The following DPYSL2 variants were observed in gnomAD, a reference collection of about 807,000 sequenced individuals.
DPYSL2 encodes dihydropyrimidinase-related protein 2.
In DPYSL2, 13 loss-of-function variants were observed where a neutral mutation model predicts 69.9. That is an observed-to-expected ratio of 0.19 (90% CI 0.12 to 0.30). DPYSL2 has a LOEUF of 0.30. Ranked by LOEUF, DPYSL2 falls within the 10% of genes least tolerant of loss-of-function variation. The pLI, the probability that DPYSL2 is intolerant of heterozygous loss-of-function variation, is 1.00. For missense variants in DPYSL2, 587 were observed against 918.9 expected (o/e 0.64, Z 4.67); for synonymous variants, 326 against 359.1 (o/e 0.91, Z 1.04).
rs188935881 is a variant in DPYSL2 at position 26,645,871 on chromosome 8, T to A, written c.1426-1759T>A. Among the ~76,000 whole-genome samples the A allele has an allele frequency of 1.1e-4, 17 of 150,250 alleles. No individual in the cohort carries two copies. The East Asian group carries it at 3.4e-3, about 30-fold the overall frequency. ...GGCCAGGACTCACTTATAATTCTTT[T>A]TTTTTGGCTGGGGGAGACAGTTTCA... On this transcript the variant is annotated intron_variant, in intron 10 of 13. Transcript: ENST00000521913.
rs1224428773 is a variant in DPYSL2, at chr8:26,564,209, G to T, written c.355-17760G>T. On this transcript the variant is annotated intron_variant, in intron 1 of 13. Coordinates refer to ENST00000521913, the MANE Select transcript of DPYSL2 (RefSeq NM_001197293.3). The surrounding 1 kb of genome is among the most constrained non-coding windows in gnomAD (Gnocchi z 4.8). ...TGCTGTTTGCCCAAGCTTTTCTAAT[G>T]GAGTCAGGCGAAGAGGCCAACTGTA... Among the ~76,000 whole-genome samples the T allele has an allele frequency of 5.3e-5, 8 of 152,182 alleles. No individual in the cohort carries two copies.
intron 1 of DPYSL2, among the ~76,000 whole-genome samples, chr8:26,519,927 T>C (rs1808358030): frequency 6.6e-6 from 1 of 152,190 alleles, no homozygotes; most frequent in South Asian, 2.1e-4. Context: ...AAATGAAATA[T>C]ATAAAGGTAA....
intron 1 of DPYSL2, among the ~76,000 whole-genome samples, chr8:26,552,417 C>T (rs1800885926): frequency 6.6e-6 from 1 of 152,036 alleles, no homozygotes; most frequent in Admixed American, 6.6e-5. Flanking sequence ...GCATTGAAAA[C>T]AGGAAATCAA....
Position 26,654,703 on chromosome 8 carries a change from G to A in DPYSL2, c.1943-912G>A, listed in dbSNP as rs1803344603. 6.6e-6 allele frequency among the ~76,000 whole-genome samples: 1 copy of A among 152,050 alleles called. No individual in the cohort carries two copies. The highest frequency in any genetic ancestry group is 2.4e-5 in the African/African-American group (1 of 41,398). On this transcript the variant is annotated intron_variant, in intron 13 of 13. Coordinates refer to ENST00000521913, the MANE Select transcript of DPYSL2 (RefSeq NM_001197293.3). The surrounding 1 kb of genome is among the most constrained non-coding windows in gnomAD (Gnocchi z 5.0). ...CAGCCAATTTGACTAATCAGAACAG[G>A]GGACAGGACAGAGTCTAAGATGTAG... is the stretch of plus-strand genomic sequence containing the variant.
At chr8:26,572,379 A>T (rs2129693681) in intron 1 of DPYSL2, among the ~76,000 whole-genome samples, 1 of 152,330 alleles carries the variant, frequency 6.6e-6, no homozygotes, top group South Asian at 2.1e-4. Context: ...TGCAGTTTGG[A>T]TGATGCAAAC....
In DPYSL2 at chr8:26,565,510, T is replaced by A. The variant is rs1230387681; in HGVS notation, c.355-16459T>A. On this transcript the variant is annotated intron_variant, in intron 1 of 13. Coordinates refer to ENST00000521913, the MANE Select transcript of DPYSL2 (RefSeq NM_001197293.3). This position sits in a 1 kb window ranked among gnomAD's most constrained non-coding sequence, Gnocchi z 4.1. ...TGTGGTTAGGGGATGAGGGCTCAGA[T>A]AGCCCTTGGAGTGAATGGCTAAAGA... Among the ~76,000 whole-genome samples the A allele has an allele frequency of 6.6e-6, 1 of 152,182 alleles. No homozygotes were observed. Among genetic ancestry groups the A allele is most frequent in the Admixed American group, 6.5e-5 (1 of 15,272 alleles).
intron 1 of DPYSL2, among the ~76,000 whole-genome samples, chr8:26,541,613 G>A (rs570791626): frequency 6.6e-6 from 1 of 152,302 alleles, no homozygotes; most frequent in East Asian, 1.9e-4. Context: ...AAAGTTAATA[G>A]AGAAAATGTC....
intron 1 of DPYSL2, among the ~76,000 whole-genome samples, chr8:26,573,668 A>AAAC (rs770616134): frequency 1.5e-5 from 1 of 68,544 alleles, no homozygotes; most frequent in Non-Finnish European, 2.8e-5. Context: ...GACTGTCTCA[A>AAAC]AAAAAAAAAA....
rs151197715 is a variant in DPYSL2 at position 26,610,963 on chromosome 8, C to G, written c.629-13180C>G. Among the ~76,000 whole-genome samples, 7 of 152,116 alleles carry G rather than the reference C, an allele frequency of 4.6e-5. No homozygotes were observed. The highest frequency in any genetic ancestry group is 7.4e-5 in the Non-Finnish European group (5 of 68,012). Reference sequence around the variant, plus strand: ...GGAGTCCTAAGGTTCTGTAGCTAGCCATGGTAGAGCTGGGGTGTAAACTCA... The same window carrying G: ...GGAGTCCTAAGGTTCTGTAGCTAGCGATGGTAGAGCTGGGGTGTAAACTCA... On this transcript the variant is annotated intron_variant, in intron 3 of 13. Transcript: ENST00000521913. This position sits in a 1 kb window ranked among gnomAD's most constrained non-coding sequence, Gnocchi z 4.5.
intron 1 of DPYSL2, among the ~76,000 whole-genome samples, chr8:26,573,253 G>C (rs187356692): frequency 3.6e-4 from 55 of 152,296 alleles, no homozygotes; most frequent in Admixed American, 2.1e-3. Flanking sequence ...GACTGGGTGT[G>C]GTGGCTCACG....
Position 26,655,878 on chromosome 8 carries a change from C to G in DPYSL2, c.*172C>G. 5.8e-6 allele frequency: 3 copies of G among 521,302 alleles called. No homozygotes were observed. Among genetic ancestry groups the G allele is most frequent in the Non-Finnish European group, 6.6e-6 (2 of 304,624 alleles). The allele number at this position is 521,302 out of a possible 1,614,324, so 32.3% of individuals were successfully genotyped here. ...CCCCTTGGGGCCCCACACCCCGTCT[C>G]TCACCAAGAGTTACTGATTTTGCTC... is the stretch of plus-strand genomic sequence containing the variant. On this transcript the variant is annotated 3_prime_UTR_variant, in exon 14 of 14. Coordinates refer to ENST00000521913, the MANE Select transcript of DPYSL2 (RefSeq NM_001197293.3).
intron 1 of DPYSL2, among the ~76,000 whole-genome samples, chr8:26,576,893 G>A (rs1311457266): frequency 6.6e-6 from 1 of 152,206 alleles, no homozygotes; most frequent in South Asian, 2.1e-4. Context: ...CCCCGACAGC[G>A]CTGCAGGCAC....
intron 1 of DPYSL2, among the ~76,000 whole-genome samples, chr8:26,515,187 G>T (rs973844380): frequency 5.9e-5 from 9 of 152,266 alleles, no homozygotes; most frequent in Middle Eastern, 3.4e-3. Flanking sequence ...CTCACGTCCC[G>T]AGCTCCGAGG....
intron 1 of DPYSL2, chr8:26,578,025 T>C (rs375189149): frequency 2.8e-5 from 39 of 1,391,956 alleles, no homozygotes. Flanking sequence ...CTCTTTTTTT[T>C]CCGCCCTAGC....
Position 26,653,207 on chromosome 8 carries a change from C to T in DPYSL2, c.1777-25C>T, listed in dbSNP as rs368613366. On this transcript the variant is annotated intron_variant, in intron 12 of 13. Transcript: ENST00000521913. This position sits in a 1 kb window ranked among gnomAD's most constrained non-coding sequence, Gnocchi z 5.7. Reference sequence around the variant, plus strand: ...GTATCCTCTGTGGCTGTGGCCTGAGCTGGGGGGACTCTTGTGTTTTGCAGC... The same window carrying T: ...GTATCCTCTGTGGCTGTGGCCTGAGTTGGGGGGACTCTTGTGTTTTGCAGC... 10 of 1,609,788 alleles carry T rather than the reference C, an allele frequency of 6.2e-6. No homozygotes were observed. The African/African-American group carries it at 1.1e-4, about 17-fold the overall frequency.
chr8:26,643,400 C>A lies in DPYSL2; in HGVS notation c.1127-39C>A. The A allele has an allele frequency of 6.5e-7, 1 of 1,538,008 alleles. No individual in the cohort carries two copies. On this transcript the variant is annotated intron_variant, in intron 8 of 13. Transcript: ENST00000521913. This position sits in a 1 kb window ranked among gnomAD's most constrained non-coding sequence, Gnocchi z 6.5. The stretch of plus-strand genomic sequence containing the variant: ...CATAGGGGTGGTTCCCTTCCCCCTG[C>A]ATTGTGTTGGACTGAACCTTGTGTG...
chr8:26,634,941 G>A (rs539422560), intron 8 of DPYSL2, 41 bp downstream of exon 8: 1 of 1,611,108 alleles, frequency 6.2e-7, no homozygotes, highest in African/African-American at 1.3e-5. Flanking sequence ...AGGTGGGGAG[G>A]TTTGGAGGGG....
Position 26,617,316 on chromosome 8 carries a change from A to G in DPYSL2, c.629-6827A>G, listed in dbSNP as rs1189848207. On this transcript the variant is annotated intron_variant, in intron 3 of 13. Transcript: ENST00000521913. The surrounding 1 kb of genome is among the most constrained non-coding windows in gnomAD (Gnocchi z 4.7). ...CAGCCTGGGCAGCATAGCGAGACCT[A>G]TTGTCTCTACACATAATAATAATAA... Among the ~76,000 whole-genome samples, 1 of 152,080 alleles carries G rather than the reference A, an allele frequency of 6.6e-6. No individual in the cohort carries two copies. The highest frequency in any genetic ancestry group is 2.4e-5 in the African/African-American group (1 of 41,412).
intron 4 of DPYSL2, among the ~76,000 whole-genome samples, chr8:26,625,342 G>A (rs1004192774): frequency 5.9e-5 from 9 of 152,154 alleles, no homozygotes; most frequent in African/African-American, 1.9e-4. Context: ...TTGATCATGC[G>A]GAGACTCCAA....
Sources: allele counts gnomAD v4.1 joint callset (sites outside exome capture counted in the v4.1 genomes callset), GRCh38; gene constraint gnomAD v4.1.1; non-coding constraint Gnocchi (gnomAD v3.1); transcripts MANE v1.5; gene names NCBI Gene and HGNC (gene_info 2026-07-23, HGNC 2026-07-21).